GPR183: variants seen among roughly 807,000 people sequenced by gnomAD.
GPR183 encodes the protein EBV-induced G-protein coupled receptor 2.
GPR183 carries 9 observed loss-of-function variants against 19.7 expected under a neutral mutation model. The ratio of observed to expected loss-of-function variants is 0.46; its 90% CI spans 0.28 to 0.80. The LOEUF (loss-of-function observed/expected upper bound fraction) is 0.80, where lower values mean the gene tolerates loss of function less well. Among genes scored for constraint, GPR183 ranks in the 30% least tolerant of loss-of-function variants. GPR183 has a pLI of 0.13. For synonymous variants in GPR183, 160 were observed against 155.1 expected (o/e 1.03, Z -0.24); for missense variants, 368 against 446.7 (o/e 0.82, Z 1.59).
chr13:99,300,482 T>G (rs1364352043), intron 1 of GPR183, among the ~76,000 whole-genome samples: 2 of 152,226 alleles, frequency 1.3e-5, no homozygotes, highest in African/African-American at 4.8e-5. Flanking sequence ...GAAAATCCTT[T>G]CATATGCGTG....
At chr13:99,306,212 T>C (rs2044332361) in intron 1 of GPR183, among the ~76,000 whole-genome samples, 1 of 152,170 alleles carries the variant, frequency 6.6e-6, no homozygotes, top group South Asian at 2.1e-4. Context: ...AGGGTCTTTA[T>C]GTAAAATATC....
At chr13:99,297,756 A>G (rs1312475397) in intron 1 of GPR183, among the ~76,000 whole-genome samples, 2 of 152,122 alleles carry the variant, frequency 1.3e-5, no homozygotes, top group Non-Finnish European at 2.9e-5. Flanking sequence ...GTCACAACAA[A>G]CTTAAATGGG....
chr13:99,295,071 T>C lies in GPR183; in HGVS notation c.1075A>G (p.Asn359Asp), dbSNP rs769474011. The C allele has an allele frequency of 6.2e-7, 1 of 1,613,112 alleles. No individual in the cohort carries two copies. Among genetic ancestry groups the C allele is most frequent in the Non-Finnish European group, 8.5e-7 (1 of 1,179,492 alleles). The change falls in exon 2 of 2, where the codon AAT (asparagine) becomes GAT (aspartate). Residue 359 changes from asparagine (N) to aspartate (D), a missense_variant. Asn to Asp is a conservative substitution (Grantham distance 23, BLOSUM62 1). Transcript: ENST00000376414. This position sits in a 1 kb window ranked among gnomAD's most constrained non-coding sequence, Gnocchi z 4.1. Reference sequence around the variant, plus strand: ...AAATACAATCCATTTCACTTTCCATTTGAAGACTTGGAATGTATCATCATC... The same window carrying C: ...AAATACAATCCATTTCACTTTCCATCTGAAGACTTGGAATGTATCATCATC... Reference protein sequence around the residue: ...TQMMIHSKSSNGK With the variant: ...TQMMIHSKSSDGK
At chr13:99,296,890 G>C (rs1211502149) in intron 1 of GPR183, among the ~76,000 whole-genome samples, 3 of 151,498 alleles carry the variant, frequency 2.0e-5, no homozygotes, top group Non-Finnish European at 4.4e-5. Context: ...CTATCAATCT[G>C]CAAGTACTCC....
chr13:99,295,455 G>A lies in GPR183; in HGVS notation c.691C>T (p.Pro231Ser), dbSNP rs752357194. 6.2e-7 allele frequency: 1 copy of A among 1,614,000 alleles called. No homozygotes were observed. The highest frequency in any genetic ancestry group is 1.3e-5 in the African/African-American group (1 of 75,004). ...TTTACACCAGATTTCTCAGTGAGTGGGTTTTGTTTGGCAGTTCTGAAGAGT... is the reference window on the plus strand; with the variant it reads ...TTTACACCAGATTTCTCAGTGAGTGAGTTTTGTTTGGCAGTTCTGAAGAGT... ...CKLFRTAKQN[P>S]LTEKSGVNKK... The change falls in exon 2 of 2, where the codon CCA (proline) becomes TCA (serine). Residue 231 changes from proline to serine, a missense_variant. Physicochemically the swap from Pro to Ser is moderately conservative, Grantham distance 74. Coordinates refer to ENST00000376414, the MANE Select transcript of GPR183 (RefSeq NM_004951.5). This position sits in a 1 kb window ranked among gnomAD's most constrained non-coding sequence, Gnocchi z 4.1.
chr13:99,297,729 C>T (rs1887703), intron 1 of GPR183, among the ~76,000 whole-genome samples: 38,002 of 151,444 alleles, frequency 0.25, 5,943 homozygotes, highest in Non-Finnish European at 0.34. Context: ...GTAGAAAACA[C>T]AAGAGGGTAG....
At chr13:99,302,338 G>A (rs2044268324) in intron 1 of GPR183, among the ~76,000 whole-genome samples, 1 of 152,176 alleles carries the variant, frequency 6.6e-6, no homozygotes, top group Non-Finnish European at 1.5e-5. Flanking sequence ...AAAGCTCAGG[G>A]TTAATTGAAA....
Position 99,294,762 on chromosome 13 carries a change from A to G in GPR183, c.*298T>C. On this transcript the variant is annotated 3_prime_UTR_variant, in exon 2 of 2. Coordinates refer to ENST00000376414, the MANE Select transcript of GPR183 (RefSeq NM_004951.5). Reference sequence around the variant, plus strand: ...AGCCATTTGTTGGCAAGAAATAATAATTAAATTTTTTATTAAAACAAAACT... The same window carrying G: ...AGCCATTTGTTGGCAAGAAATAATAGTTAAATTTTTTATTAAAACAAAACT... The G allele has an allele frequency of 4.5e-6, 1 of 223,434 alleles. No individual in the cohort carries two copies. Among genetic ancestry groups the G allele is most frequent in the Non-Finnish European group, 8.8e-6 (1 of 113,576 alleles). The allele number at this position is 223,434 out of a possible 1,614,324, so 13.8% of individuals were successfully genotyped here. A position where few individuals can be genotyped will look rare whatever the true frequency, so the allele number is the denominator to read the frequency against.
chr13:99,297,093 A>T (rs2044186869), intron 1 of GPR183, among the ~76,000 whole-genome samples: 1 of 152,044 alleles, frequency 6.6e-6, no homozygotes, highest in Non-Finnish European at 1.5e-5. Flanking sequence ...TTGCTTAGCT[A>T]CTCCCTTGAT....
intron 1 of GPR183, among the ~76,000 whole-genome samples, chr13:99,304,378 T>C (rs2044300592): frequency 1.3e-5 from 2 of 152,162 alleles, no homozygotes; most frequent in Admixed American, 1.3e-4. Flanking sequence ...TGTGGGTGTA[T>C]TTGTGAGAGT....
At chr13:99,298,483 G>A (rs970714615) in intron 1 of GPR183, among the ~76,000 whole-genome samples, 7 of 152,138 alleles carry the variant, frequency 4.6e-5, no homozygotes, top group African/African-American at 1.7e-4. Context: ...ACTGTGGGAT[G>A]CAGATAAGGC....
intron 1 of GPR183, among the ~76,000 whole-genome samples, chr13:99,297,632 A>G (rs1440983051): frequency 6.6e-6 from 1 of 152,144 alleles, no homozygotes; most frequent in Non-Finnish European, 1.5e-5. Flanking sequence ...AATAAAACCT[A>G]AAGCAAAAGA....
At position 99,295,384 on chromosome 13, in the gene GPR183, A is replaced by T; in HGVS notation, c.762T>A (p.Val254=). Reference sequence around the variant, plus strand: ...CAACATGGTAAGGTGTGAAACAGAGAACAAACACAACAATAATAAGAATAA... The same window carrying T: ...CAACATGGTAAGGTGTGAAACAGAGTACAAACACAACAATAATAAGAATAA... ...NTIILIIVVF[V]LCFTPYHVAI... Residue 254 remains valine, a synonymous_variant, in exon 2 of 2, where the codon GTT becomes GTA. Transcript: ENST00000376414. The surrounding 1 kb of genome is among the most constrained non-coding windows in gnomAD (Gnocchi z 4.1). 1 of 1,614,132 alleles carries T rather than the reference A, an allele frequency of 6.2e-7. No individual in the cohort carries two copies. Among genetic ancestry groups the T allele is most frequent in the Non-Finnish European group, 8.5e-7 (1 of 1,180,000 alleles).
At chr13:99,301,003 A>G (rs1034984492) in intron 1 of GPR183, among the ~76,000 whole-genome samples, 8 of 150,422 alleles carry the variant, frequency 5.3e-5, no homozygotes, top group African/African-American at 1.9e-4. Context: ...AAACTAAGGT[A>G]TACTAGAAAG....
At chr13:99,301,598 C>T (rs939804676) in intron 1 of GPR183, among the ~76,000 whole-genome samples, 1 of 151,920 alleles carries the variant, frequency 6.6e-6, no homozygotes, top group Non-Finnish European at 1.5e-5. Flanking sequence ...TTTTGCATAA[C>T]CGGACATGTT....
At chr13:99,305,354 G>A (rs2044317115) in intron 1 of GPR183, among the ~76,000 whole-genome samples, 2 of 151,580 alleles carry the variant, frequency 1.3e-5, no homozygotes, top group Admixed American at 6.6e-5. Context: ...CCCCCAGACT[G>A]GAGAACACCA....
In GPR183 at chr13:99,297,808, T is replaced by TA. The variant is rs752253836; in HGVS notation, c.-18-1646dup. ...CAGGACAGAGACTATCGGTTTAGAT[T>TA]AAAAAAAAAAAAATTCCAGCTGTTT... On this transcript the variant is annotated intron_variant, in intron 1 of 1. Coordinates refer to ENST00000376414, the MANE Select transcript of GPR183 (RefSeq NM_004951.5). Among the ~76,000 whole-genome samples the TA allele has an allele frequency of 2.2e-3, 322 of 144,100 alleles. 1 individual carries two copies. Among genetic ancestry groups the TA allele is most frequent in the Middle Eastern group, 3.6e-3 (1 of 280 alleles). The allele number at this position is 144,100 out of a possible 152,430, so 94.5% of individuals were successfully genotyped here. A position where few individuals can be genotyped will look rare whatever the true frequency, so the allele number is the denominator to read the frequency against.
chr13:99,295,578 T>A lies in GPR183; in HGVS notation c.568A>T (p.Thr190Ser), dbSNP rs1426746921. ...TCMEYPNFEE[T>S]KSLPWILLGA... ...AGCAGAATCCAGGGAAGAGATTTAG[T>A]TTCTTCAAAGTTTGGATACTCCATG... Residue 190 changes from threonine (T) to serine (S), a missense_variant, in exon 2 of 2, where the codon ACT becomes TCT. Coordinates refer to ENST00000376414, the MANE Select transcript of GPR183 (RefSeq NM_004951.5). The surrounding 1 kb of genome is among the most constrained non-coding windows in gnomAD (Gnocchi z 4.1). 6.2e-7 allele frequency: 1 copy of A among 1,613,946 alleles called. No individual in the cohort carries two copies. The highest frequency in any genetic ancestry group is 1.1e-5 in the South Asian group (1 of 91,074).
At position 99,295,209 on chromosome 13, in the gene GPR183, T is replaced by G; in HGVS notation, c.937A>C (p.Lys313Gln). The change falls in exon 2 of 2, where the codon AAA (lysine) becomes CAA (glutamine). Residue 313 changes from lysine (K) to glutamine (Q), a missense_variant. Coordinates refer to ENST00000376414, the MANE Select transcript of GPR183 (RefSeq NM_004951.5). The surrounding 1 kb of genome is among the most constrained non-coding windows in gnomAD (Gnocchi z 4.1). The part of the protein sequence containing the change: ...MDPFIYFFAC[K>Q]GYKRKVMRML... ...CTCATAACCTTTCTCTTATACCCTT[T>G]ACATGCAAAGAAGTAGATAAAAGGG... is the stretch of plus-strand genomic sequence containing the variant. 6.2e-7 allele frequency: 1 copy of G among 1,614,144 alleles called. No individual in the cohort carries two copies. The highest frequency in any genetic ancestry group is 8.5e-7 in the Non-Finnish European group (1 of 1,180,006).
Sources: allele counts gnomAD v4.1 joint callset (sites outside exome capture counted in the v4.1 genomes callset), GRCh38; gene constraint gnomAD v4.1.1; non-coding constraint Gnocchi (gnomAD v3.1); transcripts MANE v1.5; gene names NCBI Gene and HGNC (gene_info 2026-07-23, HGNC 2026-07-21).